Variants in PTPRD observed in about 807,000 individuals in gnomAD.
PTPRD encodes receptor-type tyrosine-protein phosphatase delta.
In PTPRD, 34 loss-of-function variants were observed where a neutral mutation model predicts 214.5. The observed-to-expected ratio is 0.16, with a 90% CI of 0.12 to 0.21. The LOEUF is 0.21. Among genes scored for constraint, PTPRD ranks in the 10% least tolerant of loss-of-function variants. The pLI is 1.00. For missense variants in PTPRD, 2,545 were observed against 2,398.7 expected (o/e 1.06, Z -1.27); for synonymous variants, 1,128 against 845.7 (o/e 1.33, Z -5.79).
chr9:9,874,263 G>A (rs1424275304), intron 5 of PTPRD, among the ~76,000 whole-genome samples: 2 of 152,156 alleles, frequency 1.3e-5, no homozygotes, highest in Non-Finnish European at 2.9e-5. Flanking sequence ...AGCTCTACTA[G>A]TAAAGCTGGC....
chr9:9,430,044 C>T (rs537986363), intron 8 of PTPRD, among the ~76,000 whole-genome samples: 19 of 152,264 alleles, frequency 1.2e-4, no homozygotes, highest in African/African-American at 4.3e-4. Context: ...GTTGGAAGTT[C>T]TGGCCAGGGC....
chr9:10,552,560 T>C (rs2061572132), intron 2 of PTPRD, among the ~76,000 whole-genome samples: 1 of 152,134 alleles, frequency 6.6e-6, no homozygotes, highest in South Asian at 2.1e-4. Context: ...CATCTTAGAA[T>C]CCCATAATGC....
chr9:9,179,797 C>G (rs1257958589), intron 10 of PTPRD, among the ~76,000 whole-genome samples: 2 of 151,960 alleles, frequency 1.3e-5, no homozygotes, highest in Non-Finnish European at 2.9e-5. Flanking sequence ...TGAAGTTTCA[C>G]CTGGGTTTGA....
At chr9:10,272,912 C>T (rs1021347265) in intron 3 of PTPRD, among the ~76,000 whole-genome samples, 4 of 152,130 alleles carry the variant, frequency 2.6e-5, no homozygotes, top group African/African-American at 9.7e-5. Flanking sequence ...GTGGGGTGAG[C>T]AATTGAAATG....
intron 8 of PTPRD, among the ~76,000 whole-genome samples, chr9:9,553,153 C>T (rs541445495): frequency 6.6e-6 from 1 of 152,108 alleles, no homozygotes; most frequent in African/African-American, 2.4e-5. Flanking sequence ...CAGTCGCCTG[C>T]TCCTATTAAG....
chr9:10,106,129 A>G (rs959068107), intron 3 of PTPRD, among the ~76,000 whole-genome samples: 2 of 151,852 alleles, frequency 1.3e-5, no homozygotes, highest in Admixed American at 6.6e-5. Flanking sequence ...TGAATTCAAT[A>G]AGTTTTTGAA....
At chr9:9,968,958 T>C (rs553112114) in intron 4 of PTPRD, among the ~76,000 whole-genome samples, 41 of 152,278 alleles carry the variant, frequency 2.7e-4, no homozygotes, top group Non-Finnish European at 4.4e-4. Context: ...CACGATAAGC[T>C]GGTAAATTCA....
chr9:10,403,099 T>C (rs768763307), intron 2 of PTPRD, among the ~76,000 whole-genome samples: 10 of 150,974 alleles, frequency 6.6e-5, no homozygotes, highest in African/African-American at 1.7e-4. Flanking sequence ...AGATTAGGTA[T>C]AGAAATAAAG....
intron 2 of PTPRD, among the ~76,000 whole-genome samples, chr9:10,481,088 T>A (rs2099094557): frequency 6.6e-6 from 1 of 151,874 alleles, no homozygotes; most frequent in South Asian, 2.1e-4. Context: ...TAAAAATCTA[T>A]CCTGCTCAAG....
At chr9:8,687,081 G>T (rs2154377823) in intron 12 of PTPRD, among the ~76,000 whole-genome samples, 1 of 152,236 alleles carries the variant, frequency 6.6e-6, no homozygotes, top group Admixed American at 6.5e-5. Context: ...AAAGAGCCAA[G>T]AAAATGCTGG....
chr9:8,939,031 C>T (rs10816008), intron 11 of PTPRD, among the ~76,000 whole-genome samples: 84,393 of 151,858 alleles, frequency 0.56, 23,526 homozygotes, highest in South Asian at 0.61. Context: ...TCCTGGACAT[C>T]GGATGTTTTA....
intron 10 of PTPRD, among the ~76,000 whole-genome samples, chr9:9,148,971 G>T (rs1334087589): frequency 6.6e-6 from 1 of 152,192 alleles, no homozygotes; most frequent in Non-Finnish European, 1.5e-5. Flanking sequence ...TTTGGAGACA[G>T]TAAGCAAATC....
At chr9:9,755,722 A>T (rs1402465004) in intron 6 of PTPRD, among the ~76,000 whole-genome samples, 1 of 152,128 alleles carries the variant, frequency 6.6e-6, no homozygotes, top group Non-Finnish European at 1.5e-5. Context: ...AGGCAAACGA[A>T]AAACACCTGA....
chr9:10,032,924 T>C (rs1043197244), intron 4 of PTPRD, among the ~76,000 whole-genome samples: 5 of 151,978 alleles, frequency 3.3e-5, no homozygotes, highest in Non-Finnish European at 4.4e-5. Context: ...TGAGTGAAGA[T>C]TGAGTATTTT....
At chr9:9,509,351 G>C (rs1569568895) in intron 8 of PTPRD, among the ~76,000 whole-genome samples, 1 of 151,262 alleles carries the variant, frequency 6.6e-6, no homozygotes, top group Non-Finnish European at 1.5e-5. Context: ...ATTAAAACTT[G>C]AGAAAGTTAA....
chr9:8,923,243 T>C (rs1284895270), intron 11 of PTPRD, among the ~76,000 whole-genome samples: 2 of 151,904 alleles, frequency 1.3e-5, no homozygotes, highest in East Asian at 1.9e-4. Context: ...GGTTTCACCA[T>C]GTTGGCCAGG....
At chr9:9,910,226 T>C (rs561432908) in intron 5 of PTPRD, among the ~76,000 whole-genome samples, 11 of 152,108 alleles carry the variant, frequency 7.2e-5, no homozygotes, top group Middle Eastern at 3.4e-3. Flanking sequence ...CTGATGAAAA[T>C]TGTATTATTG....
intron 9 of PTPRD, among the ~76,000 whole-genome samples, chr9:9,343,689 T>C (rs1196581438): frequency 5.3e-5 from 8 of 152,008 alleles, no homozygotes; most frequent in Admixed American, 5.2e-4. Context: ...CTATGAAAAA[T>C]GTTTCATTCG....
intron 6 of PTPRD, among the ~76,000 whole-genome samples, chr9:9,760,647 CACACACATAT>C (rs754796024): frequency 1.4e-4 from 13 of 94,320 alleles, no homozygotes; most frequent in East Asian, 5.1e-4. Flanking sequence ...CACACACACA[CACACACATAT>C]ATATATATAT....
Sources: gnomAD v4.1 joint callset for allele counts (sites outside exome capture counted in the v4.1 genomes callset) on GRCh38, gnomAD v4.1.1 for gene constraint, MANE v1.5 for transcripts, NCBI Gene and HGNC (gene_info 2026-07-23, HGNC 2026-07-21) for gene names.